The following TOX variants were observed in gnomAD, a reference collection of about 807,000 sequenced individuals.
The protein encoded by TOX is thymocyte selection associated high mobility group box, also known as thymocyte selection-associated high mobility group box protein TOX.
TOX carries 11 observed loss-of-function variants against 53.7 expected under a neutral mutation model. The observed-to-expected ratio is 0.20, with a 90% CI of 0.13 to 0.34. TOX has a LOEUF of 0.34. TOX is among the 10% of genes least tolerant of loss of function. TOX has a pLI of 1.00. For synonymous variants in TOX, 225 were observed against 245.3 expected, an observed-to-expected ratio of 0.92 and a Z score of 0.77; for missense variants, 570 against 664.6, an observed-to-expected ratio of 0.86 and a Z score of 1.56.
intron 3 of TOX, among the ~76,000 whole-genome samples, chr8:58,852,384 T>C (rs527474815): frequency 2.8e-4 from 42 of 152,324 alleles, no homozygotes; most frequent in Admixed American, 5.9e-4. Flanking sequence ...GATAGGCTGG[T>C]ATTAACCAAT....
intron 1 of TOX, among the ~76,000 whole-genome samples, chr8:58,998,346 A>G (rs1813601059): frequency 6.6e-6 from 1 of 150,676 alleles, no homozygotes; most frequent in Admixed American, 6.6e-5. Flanking sequence ...AAAATTAGCC[A>G]GGTTCGGTGG....
chr8:59,030,108 A>G (rs1814327181), intron 1 of TOX, among the ~76,000 whole-genome samples: 1 of 152,184 alleles, frequency 6.6e-6, no homozygotes, highest in African/African-American at 2.4e-5. Flanking sequence ...AGTTATAATC[A>G]AGAGGAAAGC....
intron 1 of TOX, among the ~76,000 whole-genome samples, chr8:59,071,712 G>A (rs1804200024): frequency 6.6e-6 from 1 of 152,154 alleles, no homozygotes; most frequent in Non-Finnish European, 1.5e-5. Context: ...CAGGTAAGTA[G>A]ATTTTGACTG....
intron 3 of TOX, among the ~76,000 whole-genome samples, chr8:58,914,208 CT>C (rs1811961518): frequency 6.6e-6 from 1 of 152,180 alleles, no homozygotes; most frequent in African/African-American, 2.4e-5. Flanking sequence ...TTTCGTCCTG[CT>C]GCTGGTAGCT....
chr8:58,973,780 C>T (rs988319369), intron 1 of TOX, among the ~76,000 whole-genome samples: 1 of 151,948 alleles, frequency 6.6e-6, no homozygotes, highest in African/African-American at 2.4e-5. Flanking sequence ...CAGTGCAACC[C>T]ACATTTTCTA....
rs1248910979 is a variant in TOX, at chr8:59,118,899, T to C, written c.89A>G (p.Tyr30Cys). 2.5e-5 allele frequency: 40 copies of C among 1,590,804 alleles called. No homozygotes were observed. The highest frequency in any genetic ancestry group is 3.3e-5 in the Non-Finnish European group (38 of 1,168,424). Residue 30 changes from tyrosine (Y) to cysteine (C), a missense_variant, in exon 1 of 9, where the codon TAC (tyrosine) becomes TGC (cysteine). Tyr to Cys is a radical substitution (Grantham distance 194). Transcript: ENST00000361421. The surrounding 1 kb of genome is among the most constrained non-coding windows in gnomAD (Gnocchi z 4.1). ...CLGPSPCLDP[Y>C]YCNKFDGENM... The stretch of plus-strand genomic sequence containing the variant: ...CAGAGCGTTCACCTTGTTGCAATAG[T>C]AGGGGTCCAGGCAGGGAGAAGGTCC...
At chr8:59,079,852 A>G (rs1804367969) in intron 1 of TOX, among the ~76,000 whole-genome samples, 3 of 152,154 alleles carry the variant, frequency 2.0e-5, no homozygotes, top group African/African-American at 2.4e-5. Context: ...GGCACTCAAC[A>G]ACCTGTGAGA....
chr8:59,087,125 A>G (rs2129423550), intron 1 of TOX, among the ~76,000 whole-genome samples: 1 of 152,298 alleles, frequency 6.6e-6, no homozygotes, highest in Non-Finnish European at 1.5e-5. Flanking sequence ...TTGAAAATGA[A>G]ATATATATTT....
chr8:59,109,357 A>G (rs1385416006), intron 1 of TOX, among the ~76,000 whole-genome samples: 1 of 152,198 alleles, frequency 6.6e-6, no homozygotes, highest in Non-Finnish European at 1.5e-5. Flanking sequence ...AGCTTAGGTT[A>G]CAAAACCTTT....
intron 1 of TOX, among the ~76,000 whole-genome samples, chr8:59,008,585 C>T (rs79456976): frequency 0.038 from 1 of 26 alleles, no homozygotes; most frequent in African/African-American, 0.12. Context: ...AAGCTCACCT[C>T]CCCCCCATGA....
chr8:58,820,630 GCCAAGTC>G (rs1810258605), intron 6 of TOX, among the ~76,000 whole-genome samples: 1 of 152,160 alleles, frequency 6.6e-6, no homozygotes, highest in Non-Finnish European at 1.5e-5. Flanking sequence ...GTCACTTGAA[GCCAAGTC>G]TGCGGGTTAT....
chr8:58,836,171 G>A (rs2129166739), intron 5 of TOX, among the ~76,000 whole-genome samples: 1 of 152,256 alleles, frequency 6.6e-6, no homozygotes, highest in Admixed American at 6.5e-5. Flanking sequence ...GAGCAGGGAG[G>A]CATTAAGGTG....
At chr8:58,966,258 C>A (rs1449397211) in intron 1 of TOX, among the ~76,000 whole-genome samples, 5 of 152,126 alleles carry the variant, frequency 3.3e-5, no homozygotes, top group African/African-American at 1.2e-4. Context: ...TGGTTCTGAG[C>A]ACAGCACAAC....
At chr8:58,809,689 T>A (rs1161590377) in intron 7 of TOX, among the ~76,000 whole-genome samples, 1 of 151,854 alleles carries the variant, frequency 6.6e-6, no homozygotes, top group Non-Finnish European at 1.5e-5. Context: ...TTCCTCAAGC[T>A]GTAAATATCT....
At position 58,809,299 on chromosome 8, in the gene TOX, T is replaced by G. The variant is rs144647025; in HGVS notation, c.1393-1030A>C. Among the ~76,000 whole-genome samples the G allele has an allele frequency of 4.2e-4, 64 of 152,298 alleles. No individual in the cohort carries two copies. The East Asian group carries it at 0.012, about 28-fold the overall frequency. On this transcript the variant is annotated intron_variant, in intron 7 of 8. Transcript: ENST00000361421. ...GGAGAAAGCTTTTGAAGCCATAATA[T>G]TGTTGAATTTTCACTTTTAAAGAAC...
chr8:58,807,546 A>C lies in TOX; in HGVS notation c.*201T>G. Reference sequence around the variant, plus strand: ...ATTTCCTTCAGGGAAGAAGAAAAACAATGTCCATAAAGGATTAAAAAAATA... The same window carrying C: ...ATTTCCTTCAGGGAAGAAGAAAAACCATGTCCATAAAGGATTAAAAAAATA... On this transcript the variant is annotated 3_prime_UTR_variant, in exon 9 of 9. Transcript: ENST00000361421. 1.9e-6 allele frequency: 1 copy of C among 531,222 alleles called. No homozygotes were observed. The highest frequency in any genetic ancestry group is 3.3e-6 in the Non-Finnish European group (1 of 305,224). 32.9% of individuals were successfully genotyped at this position (531,222 alleles called of 1,614,324 possible).
chr8:58,946,124 C>T (rs1315740547), intron 2 of TOX, among the ~76,000 whole-genome samples: 1 of 152,074 alleles, frequency 6.6e-6, no homozygotes, highest in Non-Finnish European at 1.5e-5. Flanking sequence ...ATACATAATG[C>T]ACTAATTTTT....
intron 3 of TOX, among the ~76,000 whole-genome samples, chr8:58,855,114 T>G (rs1201212216): frequency 2.0e-5 from 3 of 152,196 alleles, no homozygotes; most frequent in Non-Finnish European, 4.4e-5. Context: ...TTGCAATGGT[T>G]GTTCTTTCTG....
chr8:59,061,643 A>G (rs560033178), intron 1 of TOX, among the ~76,000 whole-genome samples: 126 of 152,188 alleles, frequency 8.3e-4, no homozygotes, highest in African/African-American at 2.7e-3. Context: ...GTTGGTGGCC[A>G]GGTGATGATA....
Sources: gnomAD v4.1 joint callset for allele counts (sites outside exome capture counted in the v4.1 genomes callset) on GRCh38, gnomAD v4.1.1 for gene constraint, Gnocchi (gnomAD v3.1) non-coding constraint, MANE v1.5 for transcripts, NCBI Gene and HGNC (gene_info 2026-07-23, HGNC 2026-07-21) for gene names.